Variants in STXBP6 observed in about 807,000 individuals in gnomAD.
STXBP6 encodes syntaxin-binding protein 6.
In STXBP6, 21 loss-of-function variants were observed where a neutral mutation model predicts 26.9. The observed-to-expected ratio is 0.78, with a 90% confidence interval of 0.55 to 1.12. The LOEUF (loss-of-function observed/expected upper bound fraction) is 1.12. Ranked by LOEUF, STXBP6 falls within the 50% of genes most tolerant of loss-of-function variation. The pLI is 0.00. For missense variants in STXBP6, 232 were observed against 257.9 expected (o/e 0.90, Z 0.69); for synonymous variants, 97 against 92.6 (o/e 1.05, Z -0.27).
At chr14:24,862,033 G>A (rs2139235478) in intron 2 of STXBP6, among the ~76,000 whole-genome samples, 1 of 152,258 alleles carries the variant, frequency 6.6e-6, no homozygotes, top group Middle Eastern at 3.4e-3. Context: ...GTCTCACTCT[G>A]TTGCCTCTGC....
At chr14:25,018,416 A>C (rs2140414288) in intron 1 of STXBP6, among the ~76,000 whole-genome samples, 1 of 152,258 alleles carries the variant, frequency 6.6e-6, no homozygotes, top group South Asian at 2.1e-4. Context: ...ATTTACTAAA[A>C]ATACCAGAGG....
chr14:24,996,864 C>CAAAAAAAAA (rs753413417), intron 1 of STXBP6, among the ~76,000 whole-genome samples: 4 of 60,898 alleles, frequency 6.6e-5, no homozygotes, highest in Non-Finnish European at 9.3e-5. Context: ...AACTCTGTCT[C>CAAAAAAAAA]AAAAAAAAAA....
At chr14:24,955,449 T>G (rs1003901992) in intron 2 of STXBP6, among the ~76,000 whole-genome samples, 4 of 152,208 alleles carry the variant, frequency 2.6e-5, no homozygotes, top group Non-Finnish European at 5.9e-5. Flanking sequence ...ATCACCGTTG[T>G]TTTGATCTGG....
intron 1 of STXBP6, among the ~76,000 whole-genome samples, chr14:25,012,581 C>G (rs2075055422): frequency 6.6e-6 from 1 of 152,016 alleles, no homozygotes; most frequent in Non-Finnish European, 1.5e-5. Flanking sequence ...GCCTGGGCAA[C>G]AAAGCAAGGC....
At chr14:24,850,466 A>T (rs934902968) in intron 4 of STXBP6, among the ~76,000 whole-genome samples, 2 of 152,156 alleles carry the variant, frequency 1.3e-5, no homozygotes, top group Non-Finnish European at 1.5e-5. Flanking sequence ...TGGCACTTCA[A>T]AATAGCCTGC....
intron 2 of STXBP6, among the ~76,000 whole-genome samples, chr14:24,890,010 C>G (rs2070734824): frequency 1.3e-5 from 2 of 152,230 alleles, no homozygotes; most frequent in Non-Finnish European, 2.9e-5. Flanking sequence ...ACTAGAGCCA[C>G]TAATTCCAGA....
chr14:24,963,758 G>A (rs546383787), intron 2 of STXBP6, among the ~76,000 whole-genome samples: 5 of 152,172 alleles, frequency 3.3e-5, no homozygotes, highest in South Asian at 2.1e-4. Context: ...TAAGATAACC[G>A]CTTTCCACTG....
intron 2 of STXBP6, among the ~76,000 whole-genome samples, chr14:24,929,655 T>C (rs1164814553): frequency 2.6e-5 from 4 of 152,330 alleles, no homozygotes; most frequent in East Asian, 3.9e-4. Flanking sequence ...TTCTTCAAAT[T>C]AGATATTTTT....
intron 1 of STXBP6, among the ~76,000 whole-genome samples, chr14:25,042,312 C>T (rs535356976): frequency 1.3e-5 from 2 of 152,336 alleles, no homozygotes; most frequent in Non-Finnish European, 2.9e-5. Flanking sequence ...CATAAGAAGG[C>T]AAGCCAGCCG....
intron 1 of STXBP6, among the ~76,000 whole-genome samples, chr14:24,983,152 G>A (rs1315182440): frequency 1.3e-5 from 2 of 152,164 alleles, no homozygotes; most frequent in South Asian, 2.1e-4. Context: ...GGATACTGAC[G>A]AGATTATCAA....
chr14:24,980,821 A>C (rs898117127), intron 1 of STXBP6, among the ~76,000 whole-genome samples: 2 of 152,228 alleles, frequency 1.3e-5, no homozygotes, highest in Admixed American at 1.3e-4. Flanking sequence ...AAAACTAAAA[A>C]CATTATCTGT....
intron 4 of STXBP6, among the ~76,000 whole-genome samples, chr14:24,821,501 T>A (rs2068133173): frequency 6.6e-6 from 1 of 152,230 alleles, no homozygotes. Flanking sequence ...TCTTCACTGT[T>A]GAAAGATGAC....
intron 2 of STXBP6, among the ~76,000 whole-genome samples, chr14:24,887,188 G>A (rs1231583832): frequency 2.0e-5 from 3 of 152,122 alleles, no homozygotes; most frequent in African/African-American, 7.2e-5. Context: ...ACACTTTGGT[G>A]CTTTATTTCA....
intron 1 of STXBP6, among the ~76,000 whole-genome samples, chr14:25,032,515 A>G (rs2140472712): frequency 6.6e-6 from 1 of 152,330 alleles, no homozygotes; most frequent in East Asian, 1.9e-4. Flanking sequence ...GGAAGGATCG[A>G]GTGGAAAAAA....
At chr14:24,822,137 T>C (rs2138782182) in intron 4 of STXBP6, among the ~76,000 whole-genome samples, 1 of 152,226 alleles carries the variant, frequency 6.6e-6, no homozygotes, top group East Asian at 1.9e-4. Context: ...GTTCAGTAAG[T>C]CAAAACCTCA....
chr14:24,853,679 C>A (rs764297024), intron 4 of STXBP6, among the ~76,000 whole-genome samples: 3 of 152,088 alleles, frequency 2.0e-5, no homozygotes, highest in Non-Finnish European at 4.4e-5. Context: ...TTACACAGGG[C>A]AAAGGCAATT....
At chr14:24,939,781 G>T (rs2072737087) in intron 2 of STXBP6, among the ~76,000 whole-genome samples, 1 of 152,162 alleles carries the variant, frequency 6.6e-6, no homozygotes, top group African/African-American at 2.4e-5. Context: ...TAAGATTATT[G>T]AGTTATTTTA....
intron 1 of STXBP6, among the ~76,000 whole-genome samples, chr14:24,984,104 C>A (rs576286177): frequency 6.6e-6 from 1 of 152,070 alleles, no homozygotes; most frequent in African/African-American, 2.4e-5. Flanking sequence ...TGGTGGCATG[C>A]ACCTGTAGTC....
At chr14:25,013,466 T>TCACACACACACACA (rs3219652) in intron 1 of STXBP6, among the ~76,000 whole-genome samples, 57 of 143,334 alleles carry the variant, frequency 4.0e-4, no homozygotes, top group Admixed American at 7.0e-4. Flanking sequence ...CATCTCTCTT[T>TCACACACACACACA]CACACACACA....
Sources: allele counts gnomAD v4.1 joint callset (sites outside exome capture counted in the v4.1 genomes callset), GRCh38; gene constraint gnomAD v4.1.1; transcripts MANE v1.5; gene names NCBI Gene and HGNC (gene_info 2026-07-23, HGNC 2026-07-21).